Variants in FAM13C observed in about 807,000 individuals in gnomAD.
FAM13C encodes protein FAM13C.
Under a neutral mutation model 73.2 loss-of-function variants are expected in FAM13C, and 37 were observed. The ratio of observed to expected loss-of-function variants is 0.51; its 90% CI spans 0.39 to 0.67. The LOEUF (loss-of-function observed/expected upper bound fraction) is 0.67, where lower values mean the gene tolerates loss of function less well. FAM13C is among the 30% of genes least tolerant of loss of function. FAM13C has a pLI of 0.00. For missense variants in FAM13C, 589 were observed against 715.6 expected (o/e 0.82, Z 2.02); for synonymous variants, 246 against 260.9 (o/e 0.94, Z 0.55).
intron 3 of FAM13C, among the ~76,000 whole-genome samples, chr10:59,329,715 A>G (rs760446954): frequency 2.6e-5 from 4 of 152,000 alleles, no homozygotes; most frequent in African/African-American, 7.2e-5. Flanking sequence ...TTGTTGTAAG[A>G]CTTTCTAGTA....
At chr10:59,253,984 G>A in intron 11 of FAM13C, 1 of 250,402 alleles carries the variant, frequency 4.0e-6, no homozygotes, top group Non-Finnish European at 7.5e-6. Context: ...TCTGATTAAA[G>A]GAAAAAATTA....
chr10:59,309,214 C>G (rs1848646249), intron 4 of FAM13C, among the ~76,000 whole-genome samples: 1 of 152,064 alleles, frequency 6.6e-6, no homozygotes, highest in Non-Finnish European at 1.5e-5. Flanking sequence ...ATGTTTGTGT[C>G]TGTCCCCTCC....
chr10:59,302,952 AC>A, intron 4 of FAM13C, 88 bp from the exon 5 acceptor site: 1 of 1,193,272 alleles, frequency 8.4e-7, no homozygotes. Context: ...ATCTGGCTGT[AC>A]CCCTGATAAA....
intron 5 of FAM13C, among the ~76,000 whole-genome samples, chr10:59,299,560 T>A (rs566981883): frequency 3.7e-4 from 56 of 151,948 alleles, no homozygotes; most frequent in African/African-American, 1.3e-3. Flanking sequence ...TCTTTATAAA[T>A]ATGTTATTTT....
intron 2 of FAM13C, among the ~76,000 whole-genome samples, chr10:59,353,256 AATACTGAC>A (rs1176325915): frequency 6.6e-6 from 1 of 152,192 alleles, no homozygotes; most frequent in African/African-American, 2.4e-5. Context: ...TTTTCTCAAA[AATACTGAC>A]ATGATAACAC....
chr10:59,339,405 G>T (rs1031624840), intron 3 of FAM13C, among the ~76,000 whole-genome samples: 4 of 73,484 alleles, frequency 5.4e-5, no homozygotes, highest in African/African-American at 1.5e-4. Context: ...CTCCTCAGCT[G>T]TTAGAAGTAG....
intron 10 of FAM13C, among the ~76,000 whole-genome samples, chr10:59,259,962 T>C (rs898507557): frequency 3.9e-5 from 6 of 152,144 alleles, no homozygotes; most frequent in African/African-American, 7.2e-5. Flanking sequence ...TCCTGAAAGA[T>C]ACTAAATGTA....
At chr10:59,257,623 A>T (rs1161356357) in intron 10 of FAM13C, among the ~76,000 whole-genome samples, 1 of 152,228 alleles carries the variant, frequency 6.6e-6, no homozygotes, top group African/African-American at 2.4e-5. Flanking sequence ...TTCCTGTCTA[A>T]GTATCCCCAT....
chr10:59,328,095 A>C (rs1790937784), intron 3 of FAM13C, among the ~76,000 whole-genome samples: 1 of 152,168 alleles, frequency 6.6e-6, no homozygotes, highest in Admixed American at 6.5e-5. Flanking sequence ...AGTATGTCCC[A>C]AGTCCACCTC....
chr10:59,280,112 C>CTA (rs1844766711), intron 6 of FAM13C, among the ~76,000 whole-genome samples: 1 of 152,286 alleles, frequency 6.6e-6, no homozygotes, highest in Admixed American at 6.5e-5. Flanking sequence ...AAGACTCAGT[C>CTA]TATAACAGCT....
At chr10:59,283,617 G>A in intron 5 of FAM13C, 170 bp from the exon 6 acceptor site, 1 of 689,092 alleles carries the variant, frequency 1.5e-6, no homozygotes, top group Admixed American at 2.1e-5. Flanking sequence ...CAGGAAGAGG[G>A]TGGTGGCAAC....
At chr10:59,294,714 C>T (rs544251347) in intron 5 of FAM13C, among the ~76,000 whole-genome samples, 11 of 152,146 alleles carry the variant, frequency 7.2e-5, no homozygotes, top group African/African-American at 1.2e-4. Flanking sequence ...GTATTCACAC[C>T]GTGAACATGT....
At chr10:59,330,547 G>T (rs1851835992) in intron 3 of FAM13C, among the ~76,000 whole-genome samples, 1 of 152,182 alleles carries the variant, frequency 6.6e-6, no homozygotes. Flanking sequence ...AAGTGAGGGA[G>T]ATTCATAAAA....
intron 3 of FAM13C, among the ~76,000 whole-genome samples, chr10:59,335,855 A>G (rs1223316145): frequency 1.3e-5 from 2 of 152,212 alleles, no homozygotes; most frequent in African/African-American, 2.4e-5. Flanking sequence ...GAGACTCAAT[A>G]AATATTTTTG....
At chr10:59,279,393 A>T (rs998283468) in intron 6 of FAM13C, among the ~76,000 whole-genome samples, 6 of 152,234 alleles carry the variant, frequency 3.9e-5, no homozygotes, top group Non-Finnish European at 7.3e-5. Flanking sequence ...GCATGAGAAT[A>T]ATTGTAGACT....
chr10:59,338,590 T>C (rs533608112), intron 3 of FAM13C, among the ~76,000 whole-genome samples: 1 of 152,332 alleles, frequency 6.6e-6, no homozygotes, highest in African/African-American at 2.4e-5. Flanking sequence ...TTCTACCTGG[T>C]TACCAGCCAT....
At chr10:59,320,839 C>T (rs576455732) in intron 4 of FAM13C, among the ~76,000 whole-genome samples, 10 of 152,204 alleles carry the variant, frequency 6.6e-5, no homozygotes, top group Non-Finnish European at 7.3e-5. Context: ...TTATAGTTCA[C>T]AATGTACAGA....
chr10:59,311,228 T>C (rs1230199653), intron 4 of FAM13C, among the ~76,000 whole-genome samples: 6 of 151,988 alleles, frequency 3.9e-5, no homozygotes, highest in Admixed American at 3.9e-4. Flanking sequence ...GAGCAGTGAG[T>C]CAGGTGCACA....
At chr10:59,319,576 G>A (rs898028464) in intron 4 of FAM13C, among the ~76,000 whole-genome samples, 4 of 152,080 alleles carry the variant, frequency 2.6e-5, no homozygotes, top group South Asian at 2.1e-4. Flanking sequence ...CATATCTGAG[G>A]GTTTACAGGA....
Sources: gnomAD v4.1 joint callset for allele counts (sites outside exome capture counted in the v4.1 genomes callset) on GRCh38, gnomAD v4.1.1 for gene constraint, MANE v1.5 for transcripts, NCBI Gene and HGNC (gene_info 2026-07-23, HGNC 2026-07-21) for gene names.